UBE2E2: variants seen among roughly 807,000 people sequenced by gnomAD.
UBE2E2 encodes ubiquitin conjugating enzyme E2 E2, also known as ubiquitin-conjugating enzyme E2 E2.
UBE2E2 carries 6 observed loss-of-function variants against 24.7 expected under a neutral mutation model. That is an observed-to-expected ratio of 0.24 (90% CI 0.13 to 0.48). The LOEUF (loss-of-function observed/expected upper bound fraction) is 0.48. UBE2E2 is among the 20% of genes least tolerant of loss of function. The pLI is 0.99. For missense variants in UBE2E2, 169 were observed against 245.0 expected (o/e 0.69, Z 2.07); for synonymous variants, 104 against 83.6 (o/e 1.24, Z -1.33).
intron 3 of UBE2E2, among the ~76,000 whole-genome samples, chr3:23,449,417 T>C (rs1052109915): frequency 9.2e-5 from 14 of 152,234 alleles, no homozygotes; most frequent in African/African-American, 2.7e-4. Flanking sequence ...AATTTAAATA[T>C]TTGCTTCTTA....
intron 3 of UBE2E2, among the ~76,000 whole-genome samples, chr3:23,392,142 T>C (rs1696952411): frequency 6.6e-6 from 1 of 151,850 alleles, no homozygotes; most frequent in African/African-American, 2.4e-5. Context: ...AAAAGTGGAG[T>C]CTGTTATGCA....
In UBE2E2 at chr3:23,499,544, AT is replaced by A. The variant is rs1575668953; in HGVS notation, c.228-60del. 5.8e-6 allele frequency: 9 copies of A among 1,555,660 alleles called. No individual in the cohort carries two copies. The East Asian group carries it at 2.0e-4, about 35-fold the overall frequency. ...TTGCTCAATTGGTTATCATAAATAG[AT>A]TTTGTTAAATTCCAGCCTTTATGTA... On this transcript the variant is annotated intron_variant, in intron 3 of 5. Transcript: ENST00000396703.
intron 3 of UBE2E2, among the ~76,000 whole-genome samples, chr3:23,310,998 C>T (rs1188406402): frequency 1.3e-5 from 2 of 152,052 alleles, no homozygotes; most frequent in Non-Finnish European, 2.9e-5. Context: ...CTAGTGCTAT[C>T]CCTCCCTCCT....
intron 5 of UBE2E2, among the ~76,000 whole-genome samples, chr3:23,543,393 A>G (rs530026107): frequency 1.3e-5 from 2 of 152,326 alleles, no homozygotes; most frequent in South Asian, 4.1e-4. Context: ...TACACAAATC[A>G]GTAGCATTGC....
intron 3 of UBE2E2, among the ~76,000 whole-genome samples, chr3:23,402,991 A>C (rs985089009): frequency 1.3e-5 from 2 of 152,162 alleles, no homozygotes; most frequent in Non-Finnish European, 2.9e-5. Flanking sequence ...AGGGGAGTAC[A>C]TGGCAGCCTC....
At chr3:23,456,952 G>T (rs926626625) in intron 3 of UBE2E2, among the ~76,000 whole-genome samples, 1 of 152,180 alleles carries the variant, frequency 6.6e-6, no homozygotes, top group Non-Finnish European at 1.5e-5. Flanking sequence ...CAATGGGTGG[G>T]TTTGATTGCT....
At chr3:23,468,624 T>C (rs1698972075) in intron 3 of UBE2E2, among the ~76,000 whole-genome samples, 1 of 152,258 alleles carries the variant, frequency 6.6e-6, no homozygotes, top group Non-Finnish European at 1.5e-5. Context: ...TCTGTTTCTC[T>C]ACTTGCATGA....
chr3:23,565,682 C>T (rs1417421230), intron 5 of UBE2E2, among the ~76,000 whole-genome samples: 1 of 151,972 alleles, frequency 6.6e-6, no homozygotes, highest in Non-Finnish European at 1.5e-5. Context: ...GTTTAAAATC[C>T]AGTTTAAAAT....
In UBE2E2 at chr3:23,407,298, C is replaced by T. The variant is rs1439501400; in HGVS notation, c.228-92310C>T. On this transcript the variant is annotated intron_variant, in intron 3 of 5. Coordinates refer to ENST00000396703, the MANE Select transcript of UBE2E2 (RefSeq NM_152653.4). This position sits in a 1 kb window ranked among gnomAD's most constrained non-coding sequence, Gnocchi z 4.0. ...AGATTCAGATGACATCTGAGACAAC[C>T]TGGTATAAACAGCCCTAGTCTAGCT... Among the ~76,000 whole-genome samples, 1 of 151,976 alleles carries T rather than the reference C, an allele frequency of 6.6e-6. No individual in the cohort carries two copies. Among genetic ancestry groups the T allele is most frequent in the Non-Finnish European group, 1.5e-5 (1 of 68,010 alleles).
intron 3 of UBE2E2, among the ~76,000 whole-genome samples, chr3:23,399,466 G>A (rs923431041): frequency 3.3e-5 from 5 of 152,156 alleles, no homozygotes; most frequent in African/African-American, 1.2e-4. Flanking sequence ...AGGGTGGTAG[G>A]AGGTTTCATC....
chr3:23,402,055 C>T (rs1258696063), intron 3 of UBE2E2, among the ~76,000 whole-genome samples: 3 of 151,908 alleles, frequency 2.0e-5, no homozygotes, highest in East Asian at 1.9e-4. Flanking sequence ...TGAGGTTTCA[C>T]CATGTTGGCC....
chr3:23,219,920 G>T (rs1696579403), intron 3 of UBE2E2, among the ~76,000 whole-genome samples: 1 of 152,066 alleles, frequency 6.6e-6, no homozygotes. Flanking sequence ...TCCTATTTTC[G>T]GGAACCTTAA....
chr3:23,561,669 G>T, intron 5 of UBE2E2, among the ~76,000 whole-genome samples: 1 of 151,498 alleles, frequency 6.6e-6, no homozygotes, highest in Admixed American at 6.6e-5. Flanking sequence ...GGGCAGTGTG[G>T]CCATTTTCAC....
intron 3 of UBE2E2, chr3:23,323,647 G>T (rs987309824): frequency 5.3e-6 from 2 of 380,214 alleles, no homozygotes; most frequent in Non-Finnish European, 1.0e-5. Flanking sequence ...CACTTCTGGG[G>T]TTAAGCATTT....
chr3:23,435,045 T>C (rs985730467), intron 3 of UBE2E2, among the ~76,000 whole-genome samples: 3 of 152,234 alleles, frequency 2.0e-5, no homozygotes, highest in South Asian at 2.1e-4. Context: ...ATTCTCCTTA[T>C]AGTTGTTTTC....
intron 3 of UBE2E2, among the ~76,000 whole-genome samples, chr3:23,373,147 A>G (rs1237370407): frequency 6.6e-6 from 1 of 152,160 alleles, no homozygotes; most frequent in Admixed American, 6.5e-5. Context: ...TCTCCCCTGA[A>G]CAGTGCTTTG....
At chr3:23,257,531 T>TC (rs1559459198) in intron 3 of UBE2E2, among the ~76,000 whole-genome samples, 9 of 10,208 alleles carry the variant, frequency 8.8e-4, no homozygotes, top group African/African-American at 2.2e-3. Context: ...CCCCCCCCAC[T>TC]TTTTTTTTTT....
At chr3:23,441,395 T>C (rs1441909492) in intron 3 of UBE2E2, among the ~76,000 whole-genome samples, 17 of 142,788 alleles carry the variant, frequency 1.2e-4, no homozygotes, top group African/African-American at 3.9e-4. Flanking sequence ...AAAAATTAGC[T>C]GGGCATGGTG....
In UBE2E2 at chr3:23,588,437, A is replaced by G. The variant is rs1161754801; in HGVS notation, c.509-1297A>G. Among the ~76,000 whole-genome samples the G allele has an allele frequency of 2.3e-5, 3 of 129,440 alleles. No individual in the cohort carries two copies. The East Asian group carries it at 7.1e-4, about 31-fold the overall frequency. The allele number at this position is 129,440 out of a possible 152,430, so 84.9% of individuals were successfully genotyped here. On this transcript the variant is annotated intron_variant, in intron 5 of 5. Transcript: ENST00000396703. The stretch of plus-strand genomic sequence containing the variant: ...TTTTTTTTTTTTGTCTTTTTTTTTA[A>G]AGAGGGTCTCACTCTGTCACCCAGG...
Sources: gnomAD v4.1 joint callset for allele counts (sites outside exome capture counted in the v4.1 genomes callset) on GRCh38, gnomAD v4.1.1 for gene constraint, Gnocchi (gnomAD v3.1) non-coding constraint, MANE v1.5 for transcripts, NCBI Gene and HGNC (gene_info 2026-07-23, HGNC 2026-07-21) for gene names.